Variants in CRYBG2 observed in about 807,000 individuals in gnomAD.
The protein encoded by CRYBG2 is beta/gamma crystallin domain-containing protein 2.
In CRYBG2, 106 loss-of-function variants were observed where a neutral mutation model predicts 153.4. The observed-to-expected ratio is 0.69, with a 90% CI of 0.59 to 0.81. CRYBG2 has a LOEUF of 0.81. CRYBG2 is among the 30% of genes least tolerant of loss of function. The probability of loss-of-function intolerance (pLI) is 0.00; values close to 1 mark genes in which losing one functional copy is unlikely to be tolerated. For synonymous variants in CRYBG2, 851 were observed against 877.8 expected (o/e 0.97, Z 0.54); for missense variants, 1,996 against 2,112.0 (o/e 0.95, Z 1.08).
rs1429590969 is a variant in CRYBG2, at chr1:26,346,578, G to A, written c.80C>T (p.Pro27Leu). The A allele has an allele frequency of 1.2e-6, 2 of 1,601,236 alleles. No homozygotes were observed. Among genetic ancestry groups the A allele is most frequent in the Non-Finnish European group, 1.7e-6 (2 of 1,174,134 alleles). Residue 27 changes from proline (P) to leucine (L), a missense_variant, in exon 2 of 20, where the codon CCC becomes CTC. By Grantham distance (98) the Pro-to-Leu change is moderately conservative. Coordinates refer to ENST00000308182, the MANE Select transcript of CRYBG2 (RefSeq NM_001039775.4). This position sits in a 1 kb window ranked among gnomAD's most constrained non-coding sequence, Gnocchi z 4.9. ...ACCATGTTTGATCTCTTCCTGGGTGGGGGGCCGCTGCCGCCATGTCAATGT... is the reference window on the plus strand; with the variant it reads ...ACCATGTTTGATCTCTTCCTGGGTGAGGGGCCGCTGCCGCCATGTCAATGT... ...SATLTWRQRP[P>L]TQEEIKHGFH... is the part of the protein sequence containing the mutation.
chr1:26,324,428 A>C (rs777711472), intron 17 of CRYBG2, 118 bp from the exon 18 acceptor site: 2 of 1,140,170 alleles, frequency 1.8e-6, no homozygotes, highest in South Asian at 3.3e-5. Context: ...CCTGTCCCCA[A>C]ACCTTCCTTG....
At chr1:26,335,040 C>T (rs1429505982) in intron 14 of CRYBG2, among the ~76,000 whole-genome samples, 1 of 151,868 alleles carries the variant, frequency 6.6e-6, no homozygotes, top group Non-Finnish European at 1.5e-5. Flanking sequence ...AAACACCTAG[C>T]ATGCAGATTT....
rs1445642363 is a variant in CRYBG2 at position 26,342,739 on chromosome 1, C to T, written c.3204+15G>A. 1 of 1,611,564 alleles carries T rather than the reference C, an allele frequency of 6.2e-7. No individual in the cohort carries two copies. Among genetic ancestry groups the T allele is most frequent in the East Asian group, 2.2e-5 (1 of 44,854 alleles). On this transcript the variant is annotated intron_variant, in intron 5 of 19. Coordinates refer to ENST00000308182, the MANE Select transcript of CRYBG2 (RefSeq NM_001039775.4). ...CTAGGCACTCGAGGCCGTCTCCCAC[C>T]TCCAACTCACTCACCCAGACAACCC...
intron 1 of CRYBG2, among the ~76,000 whole-genome samples, chr1:26,347,684 G>A (rs905281713): frequency 2.0e-5 from 3 of 151,874 alleles, no homozygotes; most frequent in Non-Finnish European, 4.4e-5. Context: ...TAGAGACGGG[G>A]TTTCGCCGTG....
chr1:26,344,551 C>A lies in CRYBG2; in HGVS notation c.2107G>T (p.Asp703Tyr). The A allele has an allele frequency of 6.5e-7, 1 of 1,543,168 alleles. No individual in the cohort carries two copies. The highest frequency in any genetic ancestry group is 8.7e-7 in the Non-Finnish European group (1 of 1,146,908). ...GAGGAAGATGGGGCAGGGAGAGCAT[C>A]AGGGTCCTGCACAACCTCTTTCTGG... is the stretch of plus-strand genomic sequence containing the variant. ...LTQKEVVQDP[D>Y]ALPAPSSSVD... Residue 703 changes from aspartate to tyrosine, a missense_variant, in exon 2 of 20, where the codon GAT becomes TAT. Transcript: ENST00000308182.
chr1:26,336,801 C>T lies in CRYBG2; in HGVS notation c.3911+40G>A. 1.3e-6 allele frequency: 2 copies of T among 1,550,710 alleles called. No homozygotes were observed. Among genetic ancestry groups the T allele is most frequent in the Non-Finnish European group, 1.7e-6 (2 of 1,149,588 alleles). ...ACCTCTCCTGGAACCGCCCCCGGCTCGCCCGGGCCCGCCCCGCTCCCGGAG... is the reference window on the plus strand; with the variant it reads ...ACCTCTCCTGGAACCGCCCCCGGCTTGCCCGGGCCCGCCCCGCTCCCGGAG... On this transcript the variant is annotated intron_variant, in intron 11 of 19. Transcript: ENST00000308182. This position sits in a 1 kb window ranked among gnomAD's most constrained non-coding sequence, Gnocchi z 4.9.
intron 1 of CRYBG2, among the ~76,000 whole-genome samples, chr1:26,348,386 A>G (rs913665278): frequency 6.6e-6 from 1 of 152,124 alleles, no homozygotes; most frequent in African/African-American, 2.4e-5. Flanking sequence ...AAAAGACTCT[A>G]CAAGTCTCTA....
Position 26,343,175 on chromosome 1 carries a change from A to G in CRYBG2, c.2962-16T>C. 2 of 1,550,590 alleles carry G rather than the reference A, an allele frequency of 1.3e-6. No homozygotes were observed. Among genetic ancestry groups the G allele is most frequent in the Non-Finnish European group, 1.7e-6 (2 of 1,146,956 alleles). ...AGAAGATCACCTGAGAAGGCACAGA[A>G]GGGGTCCTCAGGCCCTGACCCCAGG... On this transcript the variant is annotated splice_polypyrimidine_tract_variant and intron_variant, in intron 3 of 19. Coordinates refer to ENST00000308182, the MANE Select transcript of CRYBG2 (RefSeq NM_001039775.4). The surrounding 1 kb of genome is among the most constrained non-coding windows in gnomAD (Gnocchi z 4.1).
At chr1:26,353,193 G>A (rs762807140) in intron 1 of CRYBG2, among the ~76,000 whole-genome samples, 1 of 152,194 alleles carries the variant, frequency 6.6e-6, no homozygotes, top group Non-Finnish European at 1.5e-5. Context: ...AGAATTAGGT[G>A]ACAGGGGTTG....
In CRYBG2 at chr1:26,346,784, C is replaced by T. The variant is rs2074228405; in HGVS notation, c.-55-72G>A. ...CTTCCTAAAGTGCAGAATAACCACC[C>T]CTACCCAAGTCAGGCTGGGAACCTC... On this transcript the variant is annotated intron_variant, in intron 1 of 19. Coordinates refer to ENST00000308182, the MANE Select transcript of CRYBG2 (RefSeq NM_001039775.4). This position sits in a 1 kb window ranked among gnomAD's most constrained non-coding sequence, Gnocchi z 4.9. 7.7e-6 allele frequency: 8 copies of T among 1,033,514 alleles called. No homozygotes were observed. Among genetic ancestry groups the T allele is most frequent in the Non-Finnish European group, 1.1e-5 (8 of 734,202 alleles). The allele number at this position is 1,033,514 out of a possible 1,614,324, so 64.0% of individuals were successfully genotyped here. A position where few individuals can be genotyped will look rare whatever the true frequency, so the allele number is the denominator to read the frequency against.
At position 26,344,705 on chromosome 1, in the gene CRYBG2, A is replaced by T. The variant is rs2074183113; in HGVS notation, c.1953T>A (p.Ile651=). 4.6e-6 allele frequency: 7 copies of T among 1,533,680 alleles called. No individual in the cohort carries two copies. In the East Asian group the frequency reaches 1.5e-4, roughly 32 times the overall value. Residue 651 remains isoleucine, a synonymous_variant, in exon 2 of 20, where the codon ATT becomes ATA. Transcript: ENST00000308182. ...SSIQKEAVQG[I]AGSLAPPLTK... ...TGAGGGGCGGGGCAAGGCTGCCTGC[A>T]ATACCCTGGACAGCCTCTTTTTGGA...
At chr1:26,333,137 T>C (rs1254583055) in intron 14 of CRYBG2, among the ~76,000 whole-genome samples, 2 of 150,762 alleles carry the variant, frequency 1.3e-5, no homozygotes, top group African/African-American at 2.4e-5. Context: ...GCTGAATGTC[T>C]GTGTCCTCCC....
intron 17 of CRYBG2, chr1:26,327,040 A>G: frequency 2.1e-6 from 1 of 485,252 alleles, no homozygotes; most frequent in Non-Finnish European, 4.1e-6. Flanking sequence ...AGCTAAATAA[A>G]AACTGGGCTG....
In CRYBG2 at chr1:26,336,509, A is replaced by T; in HGVS notation, c.4038+97T>A. ...AAGGCCCCGCCCCAAGCGCCCAGGC[A>T]GGTCCTCCAGCCCGCTACCTCTGCG... On this transcript the variant is annotated intron_variant, in intron 12 of 19. Transcript: ENST00000308182. The surrounding 1 kb of genome is among the most constrained non-coding windows in gnomAD (Gnocchi z 4.9). 1 of 1,542,906 alleles carries T rather than the reference A, an allele frequency of 6.5e-7. No homozygotes were observed. The highest frequency in any genetic ancestry group is 8.8e-7 in the Non-Finnish European group (1 of 1,142,128).
At position 26,345,423 on chromosome 1, in the gene CRYBG2, T is replaced by C; in HGVS notation, c.1235A>G (p.His412Arg). The C allele has an allele frequency of 6.2e-7, 1 of 1,609,396 alleles. No individual in the cohort carries two copies. The highest frequency in any genetic ancestry group is 8.5e-7 in the Non-Finnish European group (1 of 1,177,488). ...AGGAGGTTGTCCAGGGACTGTCACA[T>C]GCTCGCTCCTCACCATGGGCAGGAC... ...ATVLPMVRSE[H>R]VTVPGQPPAP... Residue 412 changes from histidine (H) to arginine (R), a missense_variant, in exon 2 of 20, where the codon CAT becomes CGT. Transcript: ENST00000308182.
At chr1:26,340,878 A>G (rs561413109) in intron 5 of CRYBG2, among the ~76,000 whole-genome samples, 1 of 151,852 alleles carries the variant, frequency 6.6e-6, no homozygotes, top group South Asian at 2.1e-4. Context: ...CAGCCTCCCA[A>G]AGTGTTGGGA....
chr1:26,330,980 C>T (rs114264279), intron 15 of CRYBG2, among the ~76,000 whole-genome samples: 121 of 152,338 alleles, frequency 7.9e-4, no homozygotes, highest in African/African-American at 2.7e-3. Flanking sequence ...CCGTCACTTC[C>T]ATCCATCTCT....
chr1:26,335,265 T>C (rs1388756966), intron 14 of CRYBG2, among the ~76,000 whole-genome samples: 11 of 145,110 alleles, frequency 7.6e-5, no homozygotes, highest in Non-Finnish European at 1.5e-4. Context: ...TCACCTGATG[T>C]TGGGAATTCA....
At chr1:26,326,842 A>G (rs917909837) in intron 17 of CRYBG2, 12 of 514,496 alleles carry the variant, frequency 2.3e-5, no homozygotes, top group Non-Finnish European at 4.6e-5. Flanking sequence ...GCCCAGGCAG[A>G]CTTCAAGGGG....
Sources: allele counts gnomAD v4.1 joint callset (sites outside exome capture counted in the v4.1 genomes callset), GRCh38; gene constraint gnomAD v4.1.1; non-coding constraint Gnocchi (gnomAD v3.1); transcripts MANE v1.5; gene names NCBI Gene and HGNC (gene_info 2026-07-23, HGNC 2026-07-21).